Variants in IL1RL1 observed in about 807,000 individuals in gnomAD.
IL1RL1 encodes interleukin-1 receptor-like 1.
IL1RL1 carries 32 observed loss-of-function variants against 50.9 expected under a neutral mutation model. The observed-to-expected ratio is 0.63, with a 90% CI of 0.47 to 0.84. IL1RL1 has a LOEUF of 0.84. Among genes scored for constraint, IL1RL1 ranks in the 40% least tolerant of loss-of-function variants. IL1RL1 has a pLI of 0.00. For missense variants in IL1RL1, 773 were observed against 662.9 expected, an observed-to-expected ratio of 1.17 and a Z score of -1.82; for synonymous variants, 275 against 236.0, an observed-to-expected ratio of 1.17 and a Z score of -1.51.
At chr2:102,330,307 A>C (rs2104974095) in intron 1 of IL1RL1, among the ~76,000 whole-genome samples, 1 of 147,076 alleles carries the variant, frequency 6.8e-6, no homozygotes, top group Admixed American at 6.8e-5. Context: ...ACATGGACAC[A>C]GGAAGGGGAA....
At chr2:102,349,336 T>C in intron 10 of IL1RL1, 90 bp downstream of exon 10, 1 of 977,012 alleles carries the variant, frequency 1.0e-6, no homozygotes, top group Non-Finnish European at 1.6e-6. Flanking sequence ...GGATAATGAA[T>C]TGCATTTACT....
chr2:102,318,181 G>A (rs1287990136), intron 1 of IL1RL1, among the ~76,000 whole-genome samples: 1 of 152,106 alleles, frequency 6.6e-6, no homozygotes, highest in Admixed American at 6.5e-5. Flanking sequence ...AATTATAGGG[G>A]ACAAGGGAAG....
intron 8 of IL1RL1, chr2:102,345,318 C>T: frequency 1.0e-6 from 1 of 985,410 alleles, no homozygotes. Context: ...TTGCCAGTTT[C>T]CTCACTTGTT....
At chr2:102,312,020 A>ATTTATG (rs1238230079) in intron 1 of IL1RL1, among the ~76,000 whole-genome samples, 1 of 52,782 alleles carries the variant, frequency 1.9e-5, no homozygotes, top group African/African-American at 1.2e-4. Context: ...TATTATATAT[A>ATTTATG]ATATATATTA....
In IL1RL1 at chr2:102,339,074, T is replaced by C. The variant is rs58415764; in HGVS notation, c.272+27T>C. Reference sequence around the variant, plus strand: ...TATTATGCAGAAGGCTCCCATCTTCTTTCACCCTGCTCCCCTTTCTTCAGT... The same window carrying C: ...TATTATGCAGAAGGCTCCCATCTTCCTTCACCCTGCTCCCCTTTCTTCAGT... On this transcript the variant is annotated intron_variant, in intron 3 of 10. Coordinates refer to ENST00000233954, the MANE Select transcript of IL1RL1 (RefSeq NM_016232.5). The C allele has an allele frequency of 2.6e-3, 3,984 of 1,523,874 alleles. 96 individuals carry two copies. The African/African-American group carries it at 0.047, about 18-fold the overall frequency. 94.4% of individuals were successfully genotyped at this position (1,523,874 alleles called of 1,614,324 possible). A position where few individuals can be genotyped will look rare whatever the true frequency, so the allele number is the denominator to read the frequency against.
Position 102,351,877 on chromosome 2 carries a change from A to G in IL1RL1, c.1627A>G (p.Arg543Gly), listed in dbSNP as rs1233936431. 8 of 1,613,838 alleles carry G rather than the reference A, an allele frequency of 5.0e-6. No homozygotes were observed. Among genetic ancestry groups the G allele is most frequent in the Non-Finnish European group, 6.8e-6 (8 of 1,179,860 alleles). Residue 543 changes from arginine (R) to glycine (G), a missense_variant, in exon 11 of 11, where the codon AGA becomes GGA. Transcript: ENST00000233954. ...YQMPVPSKIP[R>G]KASSLTPLAA... ...AATGCCTGTGCCAAGCAAAATTCCC[A>G]GAAAGGCCTCTAGTTTGACTCCCTT... is the stretch of plus-strand genomic sequence containing the variant.
At position 102,340,218 on chromosome 2, in the gene IL1RL1, T is replaced by G. The variant is rs747107463; in HGVS notation, c.393T>G (p.Ile131Met). The change falls in exon 4 of 11, where the codon ATT (isoleucine) becomes ATG (methionine). Residue 131 changes from isoleucine to methionine, a missense_variant. Coordinates refer to ENST00000233954, the MANE Select transcript of IL1RL1 (RefSeq NM_016232.5). ...CTGGATCAGAAAAAAATTCCAAAAT[T>G]TATTGTCCTACCATTGACCTCTACA... ...TVSGSEKNSK[I>M]YCPTIDLYNW... The G allele has an allele frequency of 8.1e-6, 13 of 1,606,428 alleles. No homozygotes were observed. In the East Asian group the frequency reaches 2.5e-4, roughly 30 times the overall value.
At chr2:102,327,047 A>T (rs1482659336) in intron 1 of IL1RL1, among the ~76,000 whole-genome samples, 1 of 152,240 alleles carries the variant, frequency 6.6e-6, no homozygotes, top group Non-Finnish European at 1.5e-5. Context: ...TCAACAGAAT[A>T]TACATTTTTT....
Position 102,340,802 on chromosome 2 carries a change from C to T in IL1RL1, c.584C>T (p.Thr195Met), listed in dbSNP as rs201973706. ...GAAAATGGAGCCAATTATAGTGTGACGGCGACCAGGTCCTTCACGGTCAAG... is the reference window on the plus strand; with the variant it reads ...GAAAATGGAGCCAATTATAGTGTGATGGCGACCAGGTCCTTCACGGTCAAG... ...HNENGANYSV[T>M]ATRSFTVKDE... The change falls in exon 5 of 11, where the codon ACG becomes ATG. Residue 195 changes from threonine to methionine, a missense_variant. Coordinates refer to ENST00000233954, the MANE Select transcript of IL1RL1 (RefSeq NM_016232.5). The T allele has an allele frequency of 1.3e-4, 209 of 1,577,174 alleles. No homozygotes were observed. The highest frequency in any genetic ancestry group is 1.7e-4 in the Middle Eastern group (1 of 5,938).
chr2:102,343,285 G>C lies in IL1RL1; in HGVS notation c.840G>C (p.Leu280=). ...GCTTTCTTAGTTTCAGCAATGGGCT[G>C]GCTTGTCTAGACATGGTTTTAAGAA... The part of the protein sequence containing the change: ...EGQNQSFSNG[L]ACLDMVLRIA... Residue 280 remains leucine, a synonymous_variant, in exon 8 of 11, where the codon CTG becomes CTC. Transcript: ENST00000233954. 1 of 1,614,202 alleles carries C rather than the reference G, an allele frequency of 6.2e-7. No homozygotes were observed. Among genetic ancestry groups the C allele is most frequent in the Non-Finnish European group, 8.5e-7 (1 of 1,180,032 alleles).
chr2:102,315,754 C>A (rs115531800), intron 1 of IL1RL1, among the ~76,000 whole-genome samples: 2,096 of 152,306 alleles, frequency 0.014, 56 homozygotes, highest in African/African-American at 0.048. Context: ...CCAGAAAAAT[C>A]ACCCTTTAGA....
chr2:102,339,089 C>A, intron 3 of IL1RL1, 42 bp downstream of exon 3: 1 of 1,432,678 alleles, frequency 7.0e-7, no homozygotes, highest in Non-Finnish European at 9.8e-7. Context: ...CCCTGCTCCC[C>A]TTTCTTCAGT....
chr2:102,349,350 A>G, intron 10 of IL1RL1, 104 bp downstream of exon 10: 1 of 864,094 alleles, frequency 1.2e-6, no homozygotes, highest in South Asian at 1.5e-5. Flanking sequence ...ATTTACTACC[A>G]CAGGCCTTAA....
chr2:102,347,637 G>A (rs567063062), intron 8 of IL1RL1, among the ~76,000 whole-genome samples: 4 of 152,284 alleles, frequency 2.6e-5, no homozygotes, highest in Admixed American at 2.0e-4. Context: ...TCCCAGTCCT[G>A]CATGGAGCAA....
At position 102,343,821 on chromosome 2, in the gene IL1RL1, C is replaced by A. The variant is rs3821204; in HGVS notation, c.970+406C>A. 5 of 1,028,056 alleles carry A rather than the reference C, an allele frequency of 4.9e-6. No individual in the cohort carries two copies. The highest frequency in any genetic ancestry group is 8.1e-5 in the East Asian group (1 of 12,332). 63.7% of individuals were successfully genotyped at this position (1,028,056 alleles called of 1,614,324 possible). A position where few individuals can be genotyped will look rare whatever the true frequency, so the allele number is the denominator to read the frequency against. On this transcript the variant is annotated intron_variant, in intron 8 of 10. Transcript: ENST00000233954. The stretch of plus-strand genomic sequence containing the variant: ...GTTGTAAGCATGGTCCGTTCTATAC[C>A]TTTTTCTGGTCATAATGAACACTCA...
intron 1 of IL1RL1, among the ~76,000 whole-genome samples, chr2:102,324,013 C>CTTTT (rs33934744): frequency 0.3 from 40,875 of 137,852 alleles, 6,821 homozygotes; most frequent in Middle Eastern, 0.46. Context: ...ATCAGTAGTT[C>CTTTT]TTTTTTTTTT....
chr2:102,334,996 G>A (rs990714598), intron 1 of IL1RL1, among the ~76,000 whole-genome samples: 5 of 152,056 alleles, frequency 3.3e-5, no homozygotes, highest in Non-Finnish European at 7.4e-5. Flanking sequence ...AGAAAAAGCT[G>A]GTTCAATGAG....
chr2:102,343,217 A>G, intron 7 of IL1RL1, 40 bp downstream of exon 7: 4 of 1,614,062 alleles, frequency 2.5e-6, no homozygotes, highest in Non-Finnish European at 3.4e-6. Flanking sequence ...TTCCCCTTGC[A>G]CATGGTTTGC....
rs371514572 is a variant in IL1RL1 at position 102,313,842 on chromosome 2, C to T, written c.-150+2219C>T. ...GTGTGTGCACGAGTGTGTGTGTGTG[C>T]GTGCACTTGCATGCGCGTGCATGTG... On this transcript the variant is annotated intron_variant, in intron 1 of 10. Transcript: ENST00000233954. 5.3e-4 allele frequency among the ~76,000 whole-genome samples: 80 copies of T among 152,194 alleles called. 1 individual carries two copies. The East Asian group carries it at 6.8e-3, about 13-fold the overall frequency.
Sources: allele counts gnomAD v4.1 joint callset (sites outside exome capture counted in the v4.1 genomes callset), GRCh38; gene constraint gnomAD v4.1.1; transcripts MANE v1.5; gene names NCBI Gene and HGNC (gene_info 2026-07-23, HGNC 2026-07-21).